Variants in NTNG1 observed in about 807,000 individuals in gnomAD.
NTNG1 encodes the protein netrin-G1.
Under a neutral mutation model 54.0 loss-of-function variants are expected in NTNG1, and 16 were observed. The observed-to-expected ratio is 0.30, with a 90% CI of 0.20 to 0.45. NTNG1 has a LOEUF of 0.45. NTNG1 is among the 20% of genes least tolerant of loss of function. NTNG1 has a pLI of 1.00. For missense variants in NTNG1, 530 were observed against 678.7 expected, an observed-to-expected ratio of 0.78 and a Z score of 2.43; for synonymous variants, 255 against 263.1, an observed-to-expected ratio of 0.97 and a Z score of 0.30.
At chr1:107,333,042 C>T (rs1304018828) in intron 3 of NTNG1, among the ~76,000 whole-genome samples, 1 of 151,988 alleles carries the variant, frequency 6.6e-6, no homozygotes, top group Non-Finnish European at 1.5e-5. Context: ...ACAGGAGCCT[C>T]ACAAACCCTA....
intron 3 of NTNG1, among the ~76,000 whole-genome samples, chr1:107,371,295 A>G (rs1670908406): frequency 6.6e-6 from 1 of 151,994 alleles, no homozygotes; most frequent in South Asian, 2.1e-4. Flanking sequence ...ACAACCCTGC[A>G]TTTCTGGAAT....
chr1:107,460,583 A>T (rs2101538168), intron 7 of NTNG1, among the ~76,000 whole-genome samples: 1 of 152,344 alleles, frequency 6.6e-6, no homozygotes, highest in African/African-American at 2.4e-5. Context: ...AGGCAGCTCT[A>T]TGTGAAATAA....
At chr1:107,219,003 A>G (rs1033420246) in intron 2 of NTNG1, among the ~76,000 whole-genome samples, 2 of 152,144 alleles carry the variant, frequency 1.3e-5, no homozygotes, top group African/African-American at 4.8e-5. Flanking sequence ...ATGTTTTTGG[A>G]AAAACTCTGA....
At chr1:107,275,376 A>G (rs994330543) in intron 2 of NTNG1, among the ~76,000 whole-genome samples, 6 of 152,062 alleles carry the variant, frequency 3.9e-5, no homozygotes, top group Admixed American at 3.9e-4. Context: ...CTCCGTCTCA[A>G]AAAAAATAAA....
chr1:107,251,124 C>T (rs1429788596), intron 2 of NTNG1, among the ~76,000 whole-genome samples: 1 of 152,106 alleles, frequency 6.6e-6, no homozygotes, highest in African/African-American at 2.4e-5. Flanking sequence ...GAAAAGAATA[C>T]GTTCTGCATG....
At chr1:107,295,104 G>T (rs941141273) in intron 2 of NTNG1, among the ~76,000 whole-genome samples, 1 of 152,164 alleles carries the variant, frequency 6.6e-6, no homozygotes, top group African/African-American at 2.4e-5. Flanking sequence ...TCAGAAGGTG[G>T]TTGTGTAATT....
At chr1:107,175,872 A>C (rs915421206) in intron 2 of NTNG1, among the ~76,000 whole-genome samples, 1 of 152,210 alleles carries the variant, frequency 6.6e-6, no homozygotes, top group Non-Finnish European at 1.5e-5. Flanking sequence ...GTAAAGATTC[A>C]TAACTTTGTC....
intron 3 of NTNG1, among the ~76,000 whole-genome samples, chr1:107,367,187 G>A (rs944969948): frequency 6.6e-6 from 1 of 152,012 alleles, no homozygotes; most frequent in East Asian, 1.9e-4. Flanking sequence ...ACAGGCAAAG[G>A]GGCTGAATCC....
At chr1:107,171,930 A>ATTTTTAT (rs1656276323) in intron 2 of NTNG1, among the ~76,000 whole-genome samples, 1 of 150,466 alleles carries the variant, frequency 6.6e-6, no homozygotes, top group Non-Finnish European at 1.5e-5. Flanking sequence ...TTTATTTTTT[A>ATTTTTAT]TTTTTATTTT....
chr1:107,250,671 A>C (rs1347770914), intron 2 of NTNG1, among the ~76,000 whole-genome samples: 1 of 152,244 alleles, frequency 6.6e-6, no homozygotes, highest in African/African-American at 2.4e-5. Flanking sequence ...ACTGCCTTCA[A>C]CCTAACTCTC....
At chr1:107,438,969 G>A (rs1252763265) in intron 7 of NTNG1, among the ~76,000 whole-genome samples, 1 of 152,156 alleles carries the variant, frequency 6.6e-6, no homozygotes, top group Non-Finnish European at 1.5e-5. Context: ...TTTTGAGTAT[G>A]TATTGAGTAC....
intron 2 of NTNG1, among the ~76,000 whole-genome samples, chr1:107,198,560 T>C (rs1297085691): frequency 2.0e-5 from 3 of 151,956 alleles, no homozygotes; most frequent in Non-Finnish European, 4.4e-5. Flanking sequence ...TCAGTACTTG[T>C]GTGTCTGCTT....
chr1:107,430,937 C>T lies in NTNG1; in HGVS notation c.1255+20C>T, dbSNP rs757588445. On this transcript the variant is annotated intron_variant, in intron 6 of 7. Coordinates refer to ENST00000370068, the MANE Select transcript of NTNG1 (RefSeq NM_001113226.3). ...GCATAGGTCAGTTCCATTACAATTTCAGCTATTCTTCTGTGCCTTTTGAGC... is the reference window on the plus strand; with the variant it reads ...GCATAGGTCAGTTCCATTACAATTTTAGCTATTCTTCTGTGCCTTTTGAGC... The T allele has an allele frequency of 9.9e-6, 16 of 1,609,262 alleles. No homozygotes were observed. In the Admixed American group the frequency reaches 2.7e-4, roughly 27 times the overall value.
chr1:107,274,770 T>G (rs1557861833), intron 2 of NTNG1, among the ~76,000 whole-genome samples: 1 of 152,220 alleles, frequency 6.6e-6, no homozygotes, highest in Non-Finnish European at 1.5e-5. Flanking sequence ...CTGAAGAATT[T>G]ATATTTGATT....
chr1:107,384,251 C>G (rs757646727), intron 3 of NTNG1, among the ~76,000 whole-genome samples: 2 of 152,184 alleles, frequency 1.3e-5, no homozygotes, highest in Admixed American at 6.5e-5. Flanking sequence ...TCTAATAGAA[C>G]CAGCAGTTTA....
chr1:107,194,508 A>G (rs914570121), intron 2 of NTNG1, among the ~76,000 whole-genome samples: 4 of 151,850 alleles, frequency 2.6e-5, no homozygotes, highest in African/African-American at 9.7e-5. Context: ...TCTCTCATAT[A>G]TTTTTATCTG....
At chr1:107,426,963 C>A (rs2101292361) in intron 5 of NTNG1, among the ~76,000 whole-genome samples, 1 of 151,932 alleles carries the variant, frequency 6.6e-6, no homozygotes, top group East Asian at 1.9e-4. Flanking sequence ...GGATTGAGTT[C>A]TTAATTTGGT....
chr1:107,398,802 T>C (rs1187075966), intron 4 of NTNG1, among the ~76,000 whole-genome samples: 1 of 152,158 alleles, frequency 6.6e-6, no homozygotes, highest in Non-Finnish European at 1.5e-5. Flanking sequence ...AGAATTCTAT[T>C]TTGGATGTCC....
At chr1:107,448,227 TA>T (rs1238482455) in intron 7 of NTNG1, among the ~76,000 whole-genome samples, 2 of 152,128 alleles carry the variant, frequency 1.3e-5, no homozygotes, top group Non-Finnish European at 2.9e-5. Flanking sequence ...ATTTAAGTCA[TA>T]AATCAGCTCT....
Sources: allele counts gnomAD v4.1 joint callset (sites outside exome capture counted in the v4.1 genomes callset), GRCh38; gene constraint gnomAD v4.1.1; transcripts MANE v1.5; gene names NCBI Gene and HGNC (gene_info 2026-07-23, HGNC 2026-07-21).